The following CSMD1 variants were observed in gnomAD, a reference collection of about 807,000 sequenced individuals.
The protein encoded by CSMD1 is CUB and Sushi multiple domains 1, also known as CUB and sushi domain-containing protein 1.
In CSMD1, 213 loss-of-function variants were observed where a neutral mutation model predicts 417.5. The observed-to-expected ratio is 0.51, with a 90% CI of 0.46 to 0.57. CSMD1 has a LOEUF of 0.57. Among genes scored for constraint, CSMD1 ranks in the 20% least tolerant of loss-of-function variants. The pLI, the probability that CSMD1 is intolerant of heterozygous loss-of-function variation, is 0.00. For synonymous variants in CSMD1, 2,862 were observed against 1,736.8 expected (o/e 1.65, Z -16.11); for missense variants, 6,923 against 4,529.7 (o/e 1.53, Z -15.17).
intron 1 of CSMD1, among the ~76,000 whole-genome samples, chr8:4,763,427 A>G (rs1812246545): frequency 6.6e-6 from 1 of 152,178 alleles, no homozygotes; most frequent in Non-Finnish European, 1.5e-5. Context: ...AATATAGGTC[A>G]CTTACAAAGA....
chr8:4,388,891 C>T (rs1466692228), intron 3 of CSMD1, among the ~76,000 whole-genome samples: 1 of 152,180 alleles, frequency 6.6e-6, no homozygotes, highest in African/African-American at 2.4e-5. Flanking sequence ...TCCTCTTCAT[C>T]TTCTCTCATC....
intron 4 of CSMD1, among the ~76,000 whole-genome samples, chr8:4,004,726 A>T (rs1183749250): frequency 6.6e-6 from 1 of 151,850 alleles, no homozygotes; most frequent in Non-Finnish European, 1.5e-5. Flanking sequence ...ATTGGTGACT[A>T]TTATTCTTTA....
intron 3 of CSMD1, among the ~76,000 whole-genome samples, chr8:4,177,212 G>T (rs112106367): frequency 2.0e-5 from 3 of 152,092 alleles, no homozygotes; most frequent in Non-Finnish European, 2.9e-5. Context: ...TAAAAGAAGA[G>T]AAATTATAAC....
At chr8:3,396,963 A>G (rs1811740444) in intron 16 of CSMD1, among the ~76,000 whole-genome samples, 1 of 152,174 alleles carries the variant, frequency 6.6e-6, no homozygotes, top group African/African-American at 2.4e-5. Flanking sequence ...GCCATTTCAG[A>G]CATGAAAGGA....
chr8:4,554,232 G>C (rs886784344), intron 2 of CSMD1, among the ~76,000 whole-genome samples: 2 of 152,208 alleles, frequency 1.3e-5, no homozygotes, highest in Non-Finnish European at 2.9e-5. Flanking sequence ...TGCTTCCCGG[G>C]TTCAAGTGAT....
At chr8:3,506,841 C>G (rs1231384115) in intron 10 of CSMD1, among the ~76,000 whole-genome samples, 2 of 152,014 alleles carry the variant, frequency 1.3e-5, no homozygotes, top group Non-Finnish European at 2.9e-5. Context: ...TTTAAAAACA[C>G]CATAAAACTA....
At chr8:3,175,487 G>GCCTT (rs1820865971) in intron 37 of CSMD1, among the ~76,000 whole-genome samples, 1 of 46,254 alleles carries the variant, frequency 2.2e-5, no homozygotes, top group Non-Finnish European at 4.6e-5. Flanking sequence ...CTTCCTTCCT[G>GCCTT]CCTGCCTGCC....
At chr8:4,305,578 A>G (rs1030282687) in intron 3 of CSMD1, among the ~76,000 whole-genome samples, 10 of 152,174 alleles carry the variant, frequency 6.6e-5, no homozygotes, top group African/African-American at 2.4e-4. Context: ...AAGAATGAAA[A>G]AGAGTAAAAA....
chr8:4,445,870 G>A (rs961381047), intron 2 of CSMD1, among the ~76,000 whole-genome samples: 1 of 152,210 alleles, frequency 6.6e-6, no homozygotes, highest in South Asian at 2.1e-4. Context: ...TTCTCCCGCT[G>A]GAGAAGGGCA....
At chr8:4,411,980 A>C (rs537129373) in intron 3 of CSMD1, among the ~76,000 whole-genome samples, 1 of 132,586 alleles carries the variant, frequency 7.5e-6, no homozygotes, top group Non-Finnish European at 1.6e-5. Flanking sequence ...ACACAGCAAC[A>C]TAGCTAAGGG....
chr8:3,998,375 G>A (rs1815391653), intron 4 of CSMD1, among the ~76,000 whole-genome samples: 1 of 152,202 alleles, frequency 6.6e-6, no homozygotes, highest in African/African-American at 2.4e-5. Context: ...GGAAAGTGTA[G>A]TTGCCATGTA....
intron 48 of CSMD1, among the ~76,000 whole-genome samples, 156 bp downstream of exon 48, chr8:3,091,360 T>C (rs1814931129): frequency 6.6e-6 from 1 of 152,292 alleles, no homozygotes; most frequent in African/African-American, 2.4e-5. Flanking sequence ...AGAGGAATCA[T>C]TCAGAATAAT....
At chr8:3,182,944 G>C (rs1017199375) in intron 36 of CSMD1, 1 of 148,084 alleles carries the variant, frequency 6.8e-6, no homozygotes, top group Admixed American at 7.0e-5. Flanking sequence ...GTTGTTAGTA[G>C]AGAAGGGGTT....
At chr8:3,464,921 C>A (rs932047357) in intron 12 of CSMD1, among the ~76,000 whole-genome samples, 63 of 152,078 alleles carry the variant, frequency 4.1e-4, no homozygotes, top group African/African-American at 1.5e-3. Flanking sequence ...TTAAACTTTG[C>A]ATTTTTTTCC....
At chr8:3,832,010 T>A (rs114475014) in intron 5 of CSMD1, among the ~76,000 whole-genome samples, 255 of 152,322 alleles carry the variant, frequency 1.7e-3, no homozygotes, top group African/African-American at 5.3e-3. Context: ...GGTAAATTTT[T>A]AAAAATCTCT....
At chr8:4,339,840 AAAGT>A (rs1800374703) in intron 3 of CSMD1, among the ~76,000 whole-genome samples, 1 of 152,070 alleles carries the variant, frequency 6.6e-6, no homozygotes, top group African/African-American at 2.4e-5. Context: ...CCTGGGCAAC[AAAGT>A]AAGACCTCAT....
chr8:3,428,100 A>G (rs1025815982), intron 12 of CSMD1, among the ~76,000 whole-genome samples: 5 of 152,232 alleles, frequency 3.3e-5, no homozygotes, highest in African/African-American at 1.2e-4. Flanking sequence ...TTATTCTTAC[A>G]GCACCTGAAA....
At position 2,935,691 on chromosome 8, in the gene CSMD1, G is replaced by A. The variant is rs918307909; in HGVS notation, c.*2894C>T. ...ATATCTCTGTACAAAAAGGTCTTTC[G>A]CACCTACGTCGTGACAGCAGCGTGT... On this transcript the variant is annotated 3_prime_UTR_variant, in exon 70 of 70. Coordinates refer to ENST00000635120, the MANE Select transcript of CSMD1 (RefSeq NM_033225.6). The A allele has an allele frequency of 5.3e-5, 8 of 152,058 alleles. No homozygotes were observed. Among genetic ancestry groups the A allele is most frequent in the African/African-American group, 1.7e-4 (7 of 41,414 alleles). The allele number at this position is 152,058 out of a possible 1,614,324, so 9.4% of individuals were successfully genotyped here.
chr8:4,179,608 C>T (rs1422543606), intron 3 of CSMD1, among the ~76,000 whole-genome samples: 8 of 151,906 alleles, frequency 5.3e-5, no homozygotes, highest in Admixed American at 2.0e-4. Context: ...AGCTTCTGCA[C>T]AGCAAAACAA....
Sources: allele counts gnomAD v4.1 joint callset (sites outside exome capture counted in the v4.1 genomes callset), GRCh38; gene constraint gnomAD v4.1.1; transcripts MANE v1.5; gene names NCBI Gene and HGNC (gene_info 2026-07-23, HGNC 2026-07-21).